HIPK3: variants seen among roughly 807,000 people sequenced by gnomAD.
HIPK3 encodes the protein homeodomain interacting protein kinase 3.
In HIPK3, 47 loss-of-function variants were observed where a neutral mutation model predicts 124.2. The ratio of observed to expected loss-of-function variants is 0.38; its 90% CI spans 0.30 to 0.48. HIPK3 has a LOEUF of 0.48. Ranked by LOEUF, HIPK3 falls within the 20% of genes least tolerant of loss-of-function variation. The pLI, the probability that HIPK3 is intolerant of heterozygous loss-of-function variation, is 0.98. For synonymous variants in HIPK3, 482 were observed against 515.2 expected, an observed-to-expected ratio of 0.94 and a Z score of 0.87; for missense variants, 1,286 against 1,454.3, an observed-to-expected ratio of 0.88 and a Z score of 1.88.
intron 2 of HIPK3, among the ~76,000 whole-genome samples, chr11:33,324,982 A>G (rs1852769494): frequency 6.6e-6 from 1 of 152,252 alleles, no homozygotes; most frequent in Non-Finnish European, 1.5e-5. Flanking sequence ...GAACTTGTAT[A>G]AAACTCCCAG....
chr11:33,352,627 G>A (rs1375629024), intron 16 of HIPK3, among the ~76,000 whole-genome samples: 4 of 152,210 alleles, frequency 2.6e-5, no homozygotes, highest in South Asian at 2.1e-4. Context: ...GGAGTTGGAC[G>A]GGGATTCAAA....
At chr11:33,345,350 T>C (rs1198585112) in intron 8 of HIPK3, among the ~76,000 whole-genome samples, 1 of 152,176 alleles carries the variant, frequency 6.6e-6, no homozygotes, top group Non-Finnish European at 1.5e-5. Context: ...AAAATAATAT[T>C]CATAAGCTTT....
intron 2 of HIPK3, among the ~76,000 whole-genome samples, chr11:33,327,189 A>G (rs1191306361): frequency 6.6e-6 from 1 of 152,192 alleles, no homozygotes; most frequent in Non-Finnish European, 1.5e-5. Context: ...GTAGTAGAGA[A>G]ATATAGCAGA....
chr11:33,280,059 T>C (rs1329880736), intron 1 of HIPK3, among the ~76,000 whole-genome samples: 2 of 152,062 alleles, frequency 1.3e-5, no homozygotes, highest in African/African-American at 4.8e-5. Context: ...ATTCAGACCA[T>C]AGTAGGTTAA....
At position 33,341,627 on chromosome 11, in the gene HIPK3, A is replaced by T; in HGVS notation, c.1838A>T (p.Gln613Leu). The change falls in exon 8 of 17, where the codon CAG (glutamine) becomes CTG (leucine). Residue 613 changes from glutamine (Q) to leucine (L), a missense_variant. Coordinates refer to ENST00000303296, the MANE Select transcript of HIPK3 (RefSeq NM_005734.5). ...HGIPLQAGTA[Q>L]FGCGDAFQQT... ...ATACCTCTGCAGGCAGGAACTGCTCAGTTTGGTTGTGGTGATGCTTTTCAG... is the reference window on the plus strand; with the variant it reads ...ATACCTCTGCAGGCAGGAACTGCTCTGTTTGGTTGTGGTGATGCTTTTCAG... The T allele has an allele frequency of 6.2e-7, 1 of 1,613,812 alleles. No homozygotes were observed.
intron 1 of HIPK3, among the ~76,000 whole-genome samples, chr11:33,270,926 G>T (rs1441501245): frequency 6.6e-6 from 1 of 152,178 alleles, no homozygotes; most frequent in East Asian, 1.9e-4. Context: ...TCTTTTCCCT[G>T]AATATTTTGT....
chr11:33,290,100 T>C (rs937318502), intron 2 of HIPK3, among the ~76,000 whole-genome samples: 2 of 152,232 alleles, frequency 1.3e-5, no homozygotes, highest in Non-Finnish European at 2.9e-5. Flanking sequence ...TTGTGAATAG[T>C]CGTGCAGTAA....
intron 2 of HIPK3, among the ~76,000 whole-genome samples, chr11:33,325,332 C>T (rs920222274): frequency 6.6e-6 from 1 of 151,984 alleles, no homozygotes; most frequent in Non-Finnish European, 1.5e-5. Flanking sequence ...AGTTCTACAC[C>T]GAAAAATTTC....
rs2134004847 is a variant in HIPK3 at position 33,352,238 on chromosome 11, C to G, written c.3144C>G (p.Phe1048Leu). ...GTCAGCAAAAATTGACATCAGCATT[C>G]CAGCAGCAGCATTTGAACTTCAGTC... ...GTRQQKLTSAFQQQHLNFSQV... is the reference protein window; with the variant it reads ...GTRQQKLTSALQQQHLNFSQV... The change falls in exon 16 of 17, where the codon TTC becomes TTG. Residue 1048 changes from phenylalanine to leucine, a missense_variant. Around this residue, in one of 3 missense-constraint regions of HIPK3, gnomAD observed 810 missense variants for 864.9 expected, o/e 0.94. Transcript: ENST00000303296. The G allele has an allele frequency of 6.2e-7, 1 of 1,614,000 alleles. No individual in the cohort carries two copies. Among genetic ancestry groups the G allele is most frequent in the Non-Finnish European group, 8.5e-7 (1 of 1,179,932 alleles).
chr11:33,259,210 A>G (rs1465994859), intron 1 of HIPK3, among the ~76,000 whole-genome samples: 1 of 152,206 alleles, frequency 6.6e-6, no homozygotes, highest in Non-Finnish European at 1.5e-5. Context: ...AAATTTTTAA[A>G]GAGGTTTCCT....
chr11:33,299,239 C>G (rs1285217924), intron 2 of HIPK3, among the ~76,000 whole-genome samples: 1 of 149,886 alleles, frequency 6.7e-6, no homozygotes, highest in Non-Finnish European at 1.5e-5. Context: ...TTTGGGAGGT[C>G]GAGGCAGGTG....
chr11:33,301,190 T>G (rs551656095), intron 2 of HIPK3, among the ~76,000 whole-genome samples: 2 of 152,304 alleles, frequency 1.3e-5, no homozygotes, highest in South Asian at 4.1e-4. Flanking sequence ...GGAATACATT[T>G]AAAGGAGTTT....
At chr11:33,311,861 C>CACACACACACT (rs1852349917) in intron 2 of HIPK3, among the ~76,000 whole-genome samples, 1 of 147,642 alleles carries the variant, frequency 6.8e-6, no homozygotes, top group Non-Finnish European at 1.5e-5. Context: ...CACACACACA[C>CACACACACACT]ACACACACTA....
rs199603859 is a variant in HIPK3, at chr11:33,347,675, A to T, written c.2066A>T (p.Gln689Leu). 14 of 1,614,056 alleles carry T rather than the reference A, an allele frequency of 8.7e-6. No homozygotes were observed. Among genetic ancestry groups the T allele is most frequent in the Non-Finnish European group, 1.2e-5 (14 of 1,180,008 alleles). ...TQQMLVPAWQ[Q>L]VTPLAPATTT... ...CAGATGCTGGTGCCTGCCTGGCAAC[A>T]GGTGACACCCCTGGCTCCTGCTACT... The change falls in exon 10 of 17, where the codon CAG (glutamine) becomes CTG (leucine). Residue 689 changes from glutamine (Q) to leucine (L), a missense_variant. Transcript: ENST00000303296.
In HIPK3 at chr11:33,321,525, A is replaced by G. The variant is rs949538616; in HGVS notation, c.1098-6985A>G. On this transcript the variant is annotated intron_variant, in intron 2 of 16. Transcript: ENST00000303296. ...GATGTACTTCAGTAGGTGAGCATGG[A>G]TGTCTTAGATAGAAGCATTACACTG... Among the ~76,000 whole-genome samples, 5 of 152,160 alleles carry G rather than the reference A, an allele frequency of 3.3e-5. 1 individual carries two copies. The East Asian group carries it at 7.7e-4, about 23-fold the overall frequency.
rs753628841 is a variant in HIPK3, at chr11:33,351,663, T to C, written c.2863T>C (p.Ser955Pro). ...SCDTVDGSPT[S>P]DSSGHDSPFA... is the part of the protein sequence containing the mutation. ...TGATACGGTGGATGGCTCTCCGACA[T>C]CTGACTCTTCCGGGCATGACAGTCC... is the stretch of plus-strand genomic sequence containing the variant. Residue 955 changes from serine to proline, a missense_variant, in exon 15 of 17, where the codon TCT (serine) becomes CCT (proline). This residue lies in a region of HIPK3 where 810 missense variants were observed against 864.9 expected (regional missense o/e 0.94). Transcript: ENST00000303296. 11 of 1,614,110 alleles carry C rather than the reference T, an allele frequency of 6.8e-6. No individual in the cohort carries two copies. The highest frequency in any genetic ancestry group is 1.7e-5 in the Admixed American group (1 of 60,002).
At chr11:33,323,847 TCA>T (rs1852734478) in intron 2 of HIPK3, among the ~76,000 whole-genome samples, 1 of 152,254 alleles carries the variant, frequency 6.6e-6, no homozygotes, top group Admixed American at 6.5e-5. Context: ...TTTATGGTTT[TCA>T]CACTTACCTT....
At chr11:33,313,418 T>C (rs1253081266) in intron 2 of HIPK3, among the ~76,000 whole-genome samples, 1 of 152,172 alleles carries the variant, frequency 6.6e-6, no homozygotes, top group Non-Finnish European at 1.5e-5. Context: ...AAGAGCTTGT[T>C]TTGGGGAAGT....
intron 14 of HIPK3, among the ~76,000 whole-genome samples, chr11:33,350,692 A>AGGAGG (rs1853632224): frequency 6.6e-6 from 1 of 152,106 alleles, no homozygotes; most frequent in South Asian, 2.1e-4. Context: ...GAAGGAAGGA[A>AGGAGG]GGAGGGGAAG....
Sources: gnomAD v4.1 joint callset for allele counts (sites outside exome capture counted in the v4.1 genomes callset) on GRCh38, gnomAD v4.1.1 for gene constraint, gnomAD v4.1.1 regional missense constraint, MANE v1.5 for transcripts, NCBI Gene and HGNC (gene_info 2026-07-23, HGNC 2026-07-21) for gene names.